The following CFAP61 variants were observed in gnomAD, a reference collection of about 807,000 sequenced individuals.
CFAP61 encodes cilia and flagella associated protein 61.
A neutral mutation model predicts 135.6 loss-of-function variants in CFAP61; 107 were observed. The observed-to-expected ratio is 0.79, with a 90% CI of 0.67 to 0.93. The LOEUF is 0.93. Ranked by LOEUF, CFAP61 falls within the 40% of genes least tolerant of loss-of-function variation. The pLI, the probability that CFAP61 is intolerant of heterozygous loss-of-function variation, is 0.00. For missense variants in CFAP61, 1,507 were observed against 1,556.2 expected, an observed-to-expected ratio of 0.97 and a Z score of 0.53; for synonymous variants, 575 against 578.5, an observed-to-expected ratio of 0.99 and a Z score of 0.09.
rs114950605 is a variant in CFAP61, at chr20:20,060,695, A to G, written c.143+3899A>G. 7.5e-3 allele frequency among the ~76,000 whole-genome samples: 1,139 copies of G among 152,302 alleles called. 14 individuals are homozygous for G. Among genetic ancestry groups the G allele is most frequent in the African/African-American group, 0.026 (1,094 of 41,558 alleles). On this transcript the variant is annotated intron_variant, in intron 2 of 26. Coordinates refer to ENST00000245957, the MANE Select transcript of CFAP61 (RefSeq NM_015585.4). ...CTCACAAAGAATCATGGCTCGCCTT[A>G]TGCAGCCAATGGAAAGCAGCAGAAG...
intron 20 of CFAP61, chr20:20,253,629 T>C (rs1270354043): frequency 8.5e-6 from 4 of 472,096 alleles, no homozygotes; most frequent in African/African-American, 2.0e-5. Context: ...CCAGTCCCAC[T>C]GTTTGGCCTG....
At chr20:20,269,195 A>ATC (rs2053112663) in intron 21 of CFAP61, among the ~76,000 whole-genome samples, 1 of 94,328 alleles carries the variant, frequency 1.1e-5, no homozygotes, top group Non-Finnish European at 2.5e-5. Flanking sequence ...ACACATATAT[A>ATC]CATATATGTA....
chr20:20,068,662 T>C (rs1242943860), intron 2 of CFAP61, among the ~76,000 whole-genome samples: 2 of 152,218 alleles, frequency 1.3e-5, no homozygotes, highest in African/African-American at 4.8e-5. Context: ...AAGACGCCCG[T>C]ACATCCGGTG....
rs577094805 is a variant in CFAP61, at chr20:20,085,215, A to G, written c.567-5629A>G. 4.1e-6 allele frequency: 4 copies of G among 985,402 alleles called. No homozygotes were observed. In the South Asian group the frequency reaches 1.9e-4, roughly 46 times the overall value. The allele number at this position is 985,402 out of a possible 1,614,324, so 61.0% of individuals were successfully genotyped here. On this transcript the variant is annotated intron_variant, in intron 6 of 26. Transcript: ENST00000245957. ...TCACAGTGGCTCTCCTTGCATCCTG[A>G]CTTTGACAGGCAGCGCTCATTGCCT...
chr20:20,173,642 G>C (rs1259044112), intron 13 of CFAP61, among the ~76,000 whole-genome samples: 1 of 152,182 alleles, frequency 6.6e-6, no homozygotes, highest in African/African-American at 2.4e-5. Flanking sequence ...CAGTGGGTGT[G>C]CAGTACTTTT....
chr20:20,171,673 G>C, intron 13 of CFAP61: 1 of 472,564 alleles, frequency 2.1e-6, no homozygotes, highest in Non-Finnish European at 3.8e-6. Flanking sequence ...ATTATGTAAT[G>C]CATTAACAAA....
chr20:20,310,400 C>T (rs954507754), intron 25 of CFAP61, among the ~76,000 whole-genome samples: 1 of 152,164 alleles, frequency 6.6e-6, no homozygotes, highest in Non-Finnish European at 1.5e-5. Context: ...AAAGAAACTA[C>T]AGAATGCAAA....
Position 20,288,827 on chromosome 20 carries a change from G to A in CFAP61, c.3015G>A (p.Gln1005=). The A allele has an allele frequency of 6.2e-7, 1 of 1,614,146 alleles. No homozygotes were observed. The highest frequency in any genetic ancestry group is 8.5e-7 in the Non-Finnish European group (1 of 1,180,010). ...SNFSSKEIGF[Q]LAAAMLHLFD... ...TCAGTTCCAAAGAAATTGGCTTTCA[G>A]CTGGCAGCAGCTATGCTACATCTCT... The change falls in exon 23 of 27, where the codon CAG becomes CAA. Residue 1005 remains glutamine (Q), a synonymous_variant. Coordinates refer to ENST00000245957, the MANE Select transcript of CFAP61 (RefSeq NM_015585.4).
At chr20:20,088,685 T>G (rs2046973003) in intron 6 of CFAP61, among the ~76,000 whole-genome samples, 1 of 152,130 alleles carries the variant, frequency 6.6e-6, no homozygotes, top group African/African-American at 2.4e-5. Flanking sequence ...AGATTCAACC[T>G]GTGGAGTCAT....
chr20:20,230,507 G>A (rs2049049700), intron 18 of CFAP61, among the ~76,000 whole-genome samples: 1 of 152,110 alleles, frequency 6.6e-6, no homozygotes, highest in Admixed American at 6.5e-5. Flanking sequence ...TCTACATTTT[G>A]GAAGCAAAAT....
At chr20:20,057,458 G>A (rs1416273151) in intron 2 of CFAP61, among the ~76,000 whole-genome samples, 1 of 152,152 alleles carries the variant, frequency 6.6e-6, no homozygotes, top group Non-Finnish European at 1.5e-5. Flanking sequence ...CCAACATTAT[G>A]TTATTGTTCT....
At chr20:20,332,765 C>A (rs1403650158) in intron 25 of CFAP61, among the ~76,000 whole-genome samples, 1 of 152,156 alleles carries the variant, frequency 6.6e-6, no homozygotes. Flanking sequence ...CAGGCACGCA[C>A]CACCACGTCC....
chr20:20,106,423 G>A (rs2048411475), intron 8 of CFAP61, among the ~76,000 whole-genome samples: 1 of 152,188 alleles, frequency 6.6e-6, no homozygotes, highest in Admixed American at 6.5e-5. Context: ...TTATTTTGCA[G>A]ACAGCAACAT....
intron 14 of CFAP61, 129 bp from the exon 15 acceptor site, chr20:20,191,213 C>G (rs1601301761): frequency 1.7e-6 from 1 of 603,242 alleles, no homozygotes; most frequent in Non-Finnish European, 2.9e-6. Flanking sequence ...ACTACCTGGC[C>G]AAAAGTAGGT....
intron 9 of CFAP61, among the ~76,000 whole-genome samples, chr20:20,151,985 A>C (rs1859010389): frequency 6.6e-6 from 1 of 152,170 alleles, no homozygotes; most frequent in Admixed American, 6.5e-5. Context: ...CAGGCGACCT[A>C]TAAAGGAAAA....
chr20:20,321,108 A>G (rs1407364152), intron 25 of CFAP61, among the ~76,000 whole-genome samples: 1 of 152,138 alleles, frequency 6.6e-6, no homozygotes, highest in Non-Finnish European at 1.5e-5. Flanking sequence ...AAATAATGTA[A>G]TCACAGAATT....
chr20:20,251,376 G>C (rs112703904), intron 19 of CFAP61, among the ~76,000 whole-genome samples: 32 of 151,794 alleles, frequency 2.1e-4, no homozygotes, highest in African/African-American at 7.7e-4. Context: ...CCAGTTGTGG[G>C]CTGACCTAAG....
intron 19 of CFAP61, 52 bp downstream of exon 19, chr20:20,246,267 G>T (rs1450866193): frequency 5.4e-6 from 6 of 1,110,262 alleles, no homozygotes; most frequent in Non-Finnish European, 8.3e-6. Context: ...CCTACTCTGT[G>T]TGCAGTCTAT....
intron 20 of CFAP61, chr20:20,259,759 C>A (rs957914931): frequency 6.6e-6 from 1 of 152,052 alleles, no homozygotes; most frequent in Non-Finnish European, 1.5e-5. Context: ...TTGGGAAATG[C>A]AGTTTTTCAG....
Sources: allele counts gnomAD v4.1 joint callset (sites outside exome capture counted in the v4.1 genomes callset), GRCh38; gene constraint gnomAD v4.1.1; transcripts MANE v1.5; gene names NCBI Gene and HGNC (gene_info 2026-07-23, HGNC 2026-07-21).